Variants in SNTB1 observed in about 807,000 individuals in gnomAD.
The protein encoded by SNTB1 is syntrophin beta 1.
SNTB1 carries 36 observed loss-of-function variants against 48.9 expected under a neutral mutation model. The ratio of observed to expected loss-of-function variants is 0.74; its 90% confidence interval spans 0.56 to 0.97. SNTB1 has a LOEUF of 0.97. Ranked by LOEUF, SNTB1 falls within the 50% of genes least tolerant of loss-of-function variation. SNTB1 has a pLI of 0.00. For missense variants in SNTB1, 786 were observed against 703.4 expected, an observed-to-expected ratio of 1.12 and a Z score of -1.33; for synonymous variants, 299 against 294.6, an observed-to-expected ratio of 1.01 and a Z score of -0.15.
chr8:120,548,137 CCTCT>C (rs1246862225), intron 5 of SNTB1, among the ~76,000 whole-genome samples: 3 of 151,936 alleles, frequency 2.0e-5, no homozygotes, highest in Non-Finnish European at 2.9e-5. Flanking sequence ...ACTTTCCTCT[CCTCT>C]CTATCTCTCT....
At chr8:120,679,930 T>C (rs1406069129) in intron 2 of SNTB1, among the ~76,000 whole-genome samples, 1 of 152,192 alleles carries the variant, frequency 6.6e-6, no homozygotes, top group African/African-American at 2.4e-5. Context: ...ATTCTTCTTA[T>C]GAATTGCTCC....
chr8:120,725,711 C>T lies in SNTB1; in HGVS notation c.572-31803G>A, dbSNP rs183508576. Among the ~76,000 whole-genome samples the T allele has an allele frequency of 1.9e-3, 292 of 152,254 alleles. 2 individuals carry two copies. Among genetic ancestry groups the T allele is most frequent in the African/African-American group, 6.6e-3 (274 of 41,544 alleles). On this transcript the variant is annotated intron_variant, in intron 1 of 6. Transcript: ENST00000517992. ...CAGAGAAAGGACAGATTAAATTATG[C>T]CCGTGGAAGTGTTCCACCATACACA...
chr8:120,775,111 A>G (rs1003660448), intron 1 of SNTB1, among the ~76,000 whole-genome samples: 2 of 152,254 alleles, frequency 1.3e-5, no homozygotes, highest in Non-Finnish European at 2.9e-5. Context: ...CTAAAACTCA[A>G]AGAAGAGGAA....
intron 2 of SNTB1, among the ~76,000 whole-genome samples, chr8:120,692,210 C>T (rs1430701971): frequency 6.6e-6 from 1 of 152,144 alleles, no homozygotes; most frequent in African/African-American, 2.4e-5. Context: ...TGGCAGCGTC[C>T]TTAGAGTGAG....
intron 1 of SNTB1, among the ~76,000 whole-genome samples, chr8:120,803,882 T>C (rs778935457): frequency 5.9e-5 from 9 of 152,158 alleles, no homozygotes; most frequent in Admixed American, 1.3e-4. Context: ...CCCTGAGCCA[T>C]AGGGGGTCAA....
intron 2 of SNTB1, among the ~76,000 whole-genome samples, chr8:120,673,752 CA>C (rs5894530): frequency 1 from 151,991 of 151,992 alleles, 75,995 homozygotes; most frequent in Non-Finnish European, 1. Context: ...ATGTCCCTCC[CA>C]AAGGCCAACC....
At chr8:120,749,331 A>C (rs1345690953) in intron 1 of SNTB1, among the ~76,000 whole-genome samples, 1 of 152,170 alleles carries the variant, frequency 6.6e-6, no homozygotes, top group African/African-American at 2.4e-5. Flanking sequence ...ACATGTTTGC[A>C]GAATCTAGTT....
intron 1 of SNTB1, among the ~76,000 whole-genome samples, chr8:120,782,603 T>C (rs866622188): frequency 4.0e-5 from 6 of 151,888 alleles, no homozygotes; most frequent in Admixed American, 3.9e-4. Context: ...CATACATACC[T>C]ACACACACAC....
intron 3 of SNTB1, among the ~76,000 whole-genome samples, chr8:120,598,268 C>T (rs1816358605): frequency 6.6e-6 from 1 of 152,190 alleles, no homozygotes; most frequent in South Asian, 2.1e-4. Context: ...CTGGTCATTT[C>T]TTCATTGGGT....
At chr8:120,700,171 G>GTGTGTGTA (rs1402801406) in intron 1 of SNTB1, among the ~76,000 whole-genome samples, 1 of 151,566 alleles carries the variant, frequency 6.6e-6, no homozygotes, top group Non-Finnish European at 1.5e-5. Flanking sequence ...GTGTGTGTGT[G>GTGTGTGTA]TGTGTGTTTG....
At chr8:120,804,297 CCTTT>C (rs1409161627) in intron 1 of SNTB1, among the ~76,000 whole-genome samples, 10 of 151,750 alleles carry the variant, frequency 6.6e-5, no homozygotes, top group African/African-American at 1.9e-4. Context: ...AGCATTTTTT[CCTTT>C]CTAACACATT....
At chr8:120,682,972 C>T (rs1484247937) in intron 2 of SNTB1, among the ~76,000 whole-genome samples, 1 of 150,356 alleles carries the variant, frequency 6.7e-6, no homozygotes, top group African/African-American at 2.5e-5. Flanking sequence ...ACCTCCGCCT[C>T]CTGGGTTCAC....
chr8:120,648,636 T>C (rs959783755), intron 2 of SNTB1, among the ~76,000 whole-genome samples: 198 of 152,036 alleles, frequency 1.3e-3, no homozygotes, highest in African/African-American at 4.4e-3. Context: ...AATCTGACAA[T>C]TGTGTGTCTT....
chr8:120,688,702 C>T (rs1818074827), intron 2 of SNTB1, among the ~76,000 whole-genome samples: 1 of 152,096 alleles, frequency 6.6e-6, no homozygotes, highest in African/African-American at 2.4e-5. Context: ...AGGAAGTATA[C>T]AAATTATTTA....
chr8:120,762,720 G>A (rs1819443348), intron 1 of SNTB1, among the ~76,000 whole-genome samples: 1 of 152,042 alleles, frequency 6.6e-6, no homozygotes, highest in South Asian at 2.1e-4. Flanking sequence ...TAAGGCTATG[G>A]TCTTTGGGAA....
chr8:120,592,898 C>T (rs139330890), intron 3 of SNTB1, among the ~76,000 whole-genome samples: 7 of 152,260 alleles, frequency 4.6e-5, no homozygotes, highest in East Asian at 3.9e-4. Flanking sequence ...CCTGGAATAA[C>T]GCTGCCGGCG....
chr8:120,584,051 C>A (rs1202108498), intron 3 of SNTB1, among the ~76,000 whole-genome samples: 1 of 152,166 alleles, frequency 6.6e-6, no homozygotes, highest in Non-Finnish European at 1.5e-5. Flanking sequence ...TGGTGGCTCA[C>A]GCTTGTAAGC....
At chr8:120,717,854 A>G (rs1035178251) in intron 1 of SNTB1, among the ~76,000 whole-genome samples, 2 of 152,170 alleles carry the variant, frequency 1.3e-5, no homozygotes, top group Non-Finnish European at 2.9e-5. Context: ...AATAAAATGA[A>G]AAACAAAGCC....
chr8:120,780,972 T>G (rs998810856), intron 1 of SNTB1, among the ~76,000 whole-genome samples: 3 of 152,198 alleles, frequency 2.0e-5, no homozygotes, highest in African/African-American at 7.2e-5. Context: ...AATTTGACCT[T>G]GAGTAATTAA....
Sources: allele counts gnomAD v4.1 joint callset (sites outside exome capture counted in the v4.1 genomes callset), GRCh38; gene constraint gnomAD v4.1.1; transcripts MANE v1.5; gene names NCBI Gene and HGNC (gene_info 2026-07-23, HGNC 2026-07-21).